The following PALLD variants were observed in gnomAD, a reference collection of about 807,000 sequenced individuals.
PALLD encodes palladin.
A neutral mutation model predicts 123.5 loss-of-function variants in PALLD; 61 were observed. The ratio of observed to expected loss-of-function variants is 0.49; its 90% CI spans 0.40 to 0.61. PALLD has a LOEUF of 0.61. Among genes scored for constraint, PALLD ranks in the 20% least tolerant of loss-of-function variants. PALLD has a pLI of 0.00. For synonymous variants in PALLD, 465 were observed against 496.4 expected (o/e 0.94, Z 0.84); for missense variants, 1,273 against 1,377.0 (o/e 0.92, Z 1.20).
intron 10 of PALLD, among the ~76,000 whole-genome samples, chr4:168,721,245 T>C (rs1051300967): frequency 1.3e-5 from 2 of 152,148 alleles, no homozygotes; most frequent in African/African-American, 4.8e-5. Context: ...CTTTTAGTAA[T>C]TACAAAGTAA....
intron 2 of PALLD, among the ~76,000 whole-genome samples, chr4:168,545,091 C>T (rs13121394): frequency 4.6e-5 from 7 of 152,098 alleles, no homozygotes; most frequent in Admixed American, 2.0e-4. Context: ...GAAATAATCC[C>T]GGAGCTCAGA....
At chr4:168,541,671 G>A (rs907470375) in intron 2 of PALLD, among the ~76,000 whole-genome samples, 8 of 151,716 alleles carry the variant, frequency 5.3e-5, no homozygotes, top group South Asian at 4.2e-4. Flanking sequence ...CAGGCTAGTC[G>A]CAAACTCCTG....
At chr4:168,649,467 G>A (rs1035258564) in intron 2 of PALLD, among the ~76,000 whole-genome samples, 1 of 152,192 alleles carries the variant, frequency 6.6e-6, no homozygotes, top group African/African-American at 2.4e-5. Flanking sequence ...TGTCATGGAA[G>A]TGCTCTCAAA....
intron 10 of PALLD, among the ~76,000 whole-genome samples, chr4:168,727,083 T>C (rs909695628): frequency 6.6e-6 from 1 of 152,250 alleles, no homozygotes; most frequent in African/African-American, 2.4e-5. Context: ...TGCATAGTAT[T>C]ACATGATGTA....
intron 10 of PALLD, among the ~76,000 whole-genome samples, chr4:168,804,120 G>A (rs1469628653): frequency 6.6e-6 from 1 of 152,186 alleles, no homozygotes; most frequent in African/African-American, 2.4e-5. Context: ...TGAGAGTACT[G>A]CCCAAAACAG....
intron 2 of PALLD, among the ~76,000 whole-genome samples, chr4:168,640,711 C>T (rs770167234): frequency 4.6e-5 from 7 of 152,162 alleles, no homozygotes; most frequent in Non-Finnish European, 1.0e-4. Context: ...TCTCCATTAG[C>T]GTAAGCTACA....
At chr4:168,504,380 G>C (rs536459522) in intron 1 of PALLD, among the ~76,000 whole-genome samples, 19 of 152,298 alleles carry the variant, frequency 1.2e-4, no homozygotes, top group Admixed American at 9.1e-4. Context: ...CAGATCACAA[G>C]GTCAGGAGTT....
At chr4:168,925,424 T>C in intron 21 of PALLD, 146 bp downstream of exon 21, 1 of 714,650 alleles carries the variant, frequency 1.4e-6, no homozygotes, top group Non-Finnish European at 2.6e-6. Flanking sequence ...ATGTTCTTGT[T>C]ACTGTGTTCT....
chr4:168,832,076 T>TA, intron 10 of PALLD: 1 of 985,312 alleles, frequency 1.0e-6, no homozygotes, highest in East Asian at 1.1e-4. Flanking sequence ...TAAAGCCCGA[T>TA]ACCTGCCCCG....
intron 10 of PALLD, among the ~76,000 whole-genome samples, chr4:168,731,961 A>G (rs75298406): frequency 0.012 from 1,771 of 152,350 alleles, 49 homozygotes; most frequent in African/African-American, 0.04. Context: ...ACCACTAGAC[A>G]GAGGATTTTA....
chr4:168,695,804 T>G (rs965674747), intron 8 of PALLD, among the ~76,000 whole-genome samples: 2 of 150,202 alleles, frequency 1.3e-5, no homozygotes, highest in Non-Finnish European at 2.9e-5. Context: ...GCATAAACAC[T>G]TATTAAGTTC....
At position 168,878,151 on chromosome 4, in the gene PALLD, C is replaced by T. The variant is rs1560839872; in HGVS notation, c.1965-12771C>T. 1 of 1,486,524 alleles carries T rather than the reference C, an allele frequency of 6.7e-7. No individual in the cohort carries two copies. The highest frequency in any genetic ancestry group is 8.9e-7 in the Non-Finnish European group (1 of 1,126,194). The allele number at this position is 1,486,524 out of a possible 1,614,324, so 92.1% of individuals were successfully genotyped here. Reference sequence around the variant, plus strand: ...GCCCCGTGGGGCTCCTCCTCGCCGTCGCCCCCGCCCCCGCCACCCCCGGTC... The same window carrying T: ...GCCCCGTGGGGCTCCTCCTCGCCGTTGCCCCCGCCCCCGCCACCCCCGGTC... On this transcript the variant is annotated intron_variant, in intron 10 of 21. Transcript: ENST00000505667.
intron 2 of PALLD, among the ~76,000 whole-genome samples, chr4:168,567,986 C>G (rs943320376): frequency 3.3e-5 from 5 of 151,942 alleles, no homozygotes; most frequent in African/African-American, 7.2e-5. Context: ...TCAAACTTTT[C>G]CATTGGATTA....
chr4:168,774,047 C>T (rs1734810879), intron 10 of PALLD, among the ~76,000 whole-genome samples: 1 of 150,588 alleles, frequency 6.6e-6, no homozygotes. Context: ...GTCCCCTCCT[C>T]TCAAGCCACT....
chr4:168,780,075 T>A (rs1735694781), intron 10 of PALLD, among the ~76,000 whole-genome samples: 1 of 152,110 alleles, frequency 6.6e-6, no homozygotes, highest in Non-Finnish European at 1.5e-5. Flanking sequence ...ATTTTGGTAT[T>A]TTTGGTAGAG....
chr4:168,597,768 A>T (rs1201757390), intron 2 of PALLD, among the ~76,000 whole-genome samples: 1 of 152,126 alleles, frequency 6.6e-6, no homozygotes, highest in Non-Finnish European at 1.5e-5. Flanking sequence ...ACTCTAAAAC[A>T]TTTATTTCAT....
At chr4:168,704,215 C>G (rs990775415) in intron 8 of PALLD, among the ~76,000 whole-genome samples, 1 of 151,784 alleles carries the variant, frequency 6.6e-6, no homozygotes, top group Non-Finnish European at 1.5e-5. Flanking sequence ...TTCCTTACAC[C>G]TTATACAAAA....
At chr4:168,712,410 G>T (rs1330183717) in intron 10 of PALLD, 1 of 213,524 alleles carries the variant, frequency 4.7e-6, no homozygotes, top group Non-Finnish European at 9.7e-6. Context: ...AATGAAACTG[G>T]AGGGAAGCAG....
intron 10 of PALLD, among the ~76,000 whole-genome samples, chr4:168,832,562 G>A (rs952071656): frequency 2.0e-5 from 3 of 152,190 alleles, no homozygotes; most frequent in Admixed American, 6.5e-5. Flanking sequence ...CAGACCTGGG[G>A]TGGGAGAGCA....
Sources: allele counts gnomAD v4.1 joint callset (sites outside exome capture counted in the v4.1 genomes callset), GRCh38; gene constraint gnomAD v4.1.1; transcripts MANE v1.5; gene names NCBI Gene and HGNC (gene_info 2026-07-23, HGNC 2026-07-21).